Variants in DNAH7 observed in about 807,000 individuals in gnomAD.
DNAH7 encodes axonemal beta dynein heavy chain 7.
A neutral mutation model predicts 444.6 loss-of-function variants in DNAH7; 397 were observed. The ratio of observed to expected loss-of-function variants is 0.89; its 90% confidence interval spans 0.82 to 0.97. DNAH7 has a LOEUF of 0.97. Ranked by LOEUF, DNAH7 falls within the 50% of genes least tolerant of loss-of-function variation. The probability of loss-of-function intolerance (pLI) is 0.00; values close to 1 mark genes in which losing one functional copy is unlikely to be tolerated. For missense variants in DNAH7, 4,902 were observed against 4,800.8 expected, an observed-to-expected ratio of 1.02 and a Z score of -0.62; for synonymous variants, 1,636 against 1,624.4, an observed-to-expected ratio of 1.01 and a Z score of -0.17.
intron 46 of DNAH7, 143 bp from the exon 47 acceptor site, chr2:195,845,308 G>A: frequency 1.6e-6 from 1 of 616,574 alleles, no homozygotes; most frequent in Non-Finnish European, 2.5e-6. Context: ...CTGTTTCTCA[G>A]ATTCTTATTT....
At chr2:196,053,170 C>G (rs1272926175) in intron 2 of DNAH7, among the ~76,000 whole-genome samples, 1 of 152,064 alleles carries the variant, frequency 6.6e-6, no homozygotes, top group Non-Finnish European at 1.5e-5. Context: ...GTAGTAAGAC[C>G]CTCTCTGCAG....
chr2:195,815,046 G>A (rs1005668721), intron 51 of DNAH7, among the ~76,000 whole-genome samples: 2 of 151,066 alleles, frequency 1.3e-5, no homozygotes, highest in South Asian at 2.1e-4. Context: ...CCAGGCTGGG[G>A]ATAATTTTTT....
chr2:195,815,279 AC>A (rs1390397707), intron 51 of DNAH7, among the ~76,000 whole-genome samples: 1 of 152,134 alleles, frequency 6.6e-6, no homozygotes, highest in African/African-American at 2.4e-5. Context: ...CTCTATCATT[AC>A]GCAATGCATT....
chr2:195,892,246 G>A (rs1425652612), intron 30 of DNAH7, among the ~76,000 whole-genome samples: 1 of 151,972 alleles, frequency 6.6e-6, no homozygotes, highest in African/African-American at 2.4e-5. Context: ...ACTATTCTAA[G>A]TTTATTGGCA....
chr2:196,010,276 A>C (rs529037871), intron 10 of DNAH7, among the ~76,000 whole-genome samples: 1 of 151,996 alleles, frequency 6.6e-6, no homozygotes, highest in South Asian at 2.1e-4. Flanking sequence ...CAGCTTCCCA[A>C]GTAGCTGGGA....
chr2:195,766,752 G>A (rs1694605964), intron 61 of DNAH7, among the ~76,000 whole-genome samples: 1 of 152,082 alleles, frequency 6.6e-6, no homozygotes, highest in African/African-American at 2.4e-5. Context: ...TTACCCTGAT[G>A]TAATTATTAT....
At chr2:196,065,521 G>A (rs575004998) in intron 1 of DNAH7, among the ~76,000 whole-genome samples, 1 of 152,264 alleles carries the variant, frequency 6.6e-6, no homozygotes, top group Non-Finnish European at 1.5e-5. Context: ...TGCCTGGGAG[G>A]CTGAATTCTA....
intron 40 of DNAH7, among the ~76,000 whole-genome samples, chr2:195,871,931 A>G (rs1234504735): frequency 1.1e-5 from 1 of 92,464 alleles, no homozygotes; most frequent in Non-Finnish European, 2.4e-5. Context: ...ACTCCGTCTC[A>G]AAAAAAAAAA....
intron 40 of DNAH7, among the ~76,000 whole-genome samples, chr2:195,866,515 A>C (rs545170144): frequency 4.1e-4 from 62 of 152,372 alleles, no homozygotes; most frequent in African/African-American, 1.5e-3. Flanking sequence ...ATATTCCTAA[A>C]TTAAGTCAAC....
At chr2:195,967,287 CTCTTTA>C (rs1368636839) in intron 17 of DNAH7, among the ~76,000 whole-genome samples, 4 of 151,452 alleles carry the variant, frequency 2.6e-5, no homozygotes, top group South Asian at 2.1e-4. Flanking sequence ...TTTTTTGTTT[CTCTTTA>C]TATCTTTTTG....
intron 41 of DNAH7, among the ~76,000 whole-genome samples, chr2:195,863,070 C>T (rs1700114552): frequency 1.3e-5 from 2 of 152,106 alleles, no homozygotes; most frequent in Admixed American, 1.3e-4. Flanking sequence ...GCATTTACTC[C>T]CTATTTGCTA....
intron 3 of DNAH7, 133 bp downstream of exon 3, chr2:196,051,054 A>C: frequency 1.3e-6 from 1 of 759,174 alleles, no homozygotes; most frequent in Non-Finnish European, 2.3e-6. Context: ...CCTAATATGC[A>C]CACCTCATAG....
chr2:195,983,637 A>G (rs1220826099), intron 15 of DNAH7, among the ~76,000 whole-genome samples: 1 of 152,178 alleles, frequency 6.6e-6, no homozygotes, highest in African/African-American at 2.4e-5. Flanking sequence ...TCATGTTTCA[A>G]CATAAGATTT....
Position 196,001,833 on chromosome 2 carries a change from A to C in DNAH7, c.1015T>G (p.Tyr339Asp). ...KMWFPEVQNI[Y>D]YQGNKKKQLP... ...TGCTTTTTTTTATTACCTTGGTAAT[A>C]AATATTCTGCACTTCTGGAAACCAC... is the stretch of plus-strand genomic sequence containing the variant. The change falls in exon 11 of 65, where the codon TAT becomes GAT. Residue 339 changes from tyrosine to aspartate, a missense_variant. By Grantham distance (160) the Tyr-to-Asp change is radical (BLOSUM62 -3). Transcript: ENST00000312428. 6.2e-7 allele frequency: 1 copy of C among 1,609,734 alleles called. No homozygotes were observed. The highest frequency in any genetic ancestry group is 8.5e-7 in the Non-Finnish European group (1 of 1,178,728).
intron 54 of DNAH7, among the ~76,000 whole-genome samples, chr2:195,802,122 T>C (rs998160580): frequency 6.6e-6 from 1 of 152,230 alleles, no homozygotes; most frequent in Non-Finnish European, 1.5e-5. Flanking sequence ...GAATAATTAA[T>C]TCATCTATAC....
At chr2:196,014,928 C>T (rs566086134) in intron 9 of DNAH7, among the ~76,000 whole-genome samples, 3 of 152,140 alleles carry the variant, frequency 2.0e-5, no homozygotes, top group Non-Finnish European at 4.4e-5. Context: ...TTTATAACTA[C>T]ATAATATTCC....
At position 195,740,854 on chromosome 2, in the gene DNAH7, C is replaced by A. The variant is rs1692987959; in HGVS notation, c.11780G>T (p.Gly3927Val). The change falls in exon 64 of 65, where the codon GGA (glycine) becomes GTA (valine). Residue 3927 changes from glycine to valine, a missense_variant. Gly to Val is a moderately radical substitution (Grantham distance 109). Transcript: ENST00000312428. ...CCAGGAAGCTCCATCCAGAAATAAT[C>A]CGTGAATGAAAACACCTAAATATAA... The part of the protein sequence containing the change: ...HPPEDGVFIH[G>V]LFLDGASWNR... The A allele has an allele frequency of 1.3e-6, 2 of 1,549,220 alleles. No homozygotes were observed. Among genetic ancestry groups the A allele is most frequent in the African/African-American group, 1.4e-5 (1 of 72,672 alleles).
chr2:196,064,363 AAAT>A lies in DNAH7; in HGVS notation c.15+4331_15+4333del, dbSNP rs1390468401. Among the ~76,000 whole-genome samples the A allele has an allele frequency of 2.5e-3, 380 of 150,880 alleles. 1 individual carries two copies. The highest frequency in any genetic ancestry group is 7.9e-3 in the African/African-American group (326 of 41,262). ...AATAAATAAATAATAAATAATAAATAAATAATAAAAAGAAAAACAAAACCTTCA... is the reference window on the plus strand; with the variant it reads ...AATAAATAAATAATAAATAATAAATAAATAAAAAGAAAAACAAAACCTTCA... On this transcript the variant is annotated intron_variant, in intron 1 of 64. Transcript: ENST00000312428.
chr2:195,861,833 A>G lies in DNAH7; in HGVS notation c.7620T>C (p.Ser2540=), dbSNP rs1251949426. The change falls in exon 42 of 65, where the codon TCT becomes TCC. Residue 2540 remains serine, a synonymous_variant. Coordinates refer to ENST00000312428, the MANE Select transcript of DNAH7 (RefSeq NM_018897.3). The part of the protein sequence containing the change: ...CIDMCKSFHT[S]TIDLSKSFFV... ...AGAAAGATTTGGATAAATCTATAGT[A>G]GAAGTGTGGAAGCTTTTACACATGT... 1.2e-6 allele frequency: 2 copies of G among 1,613,420 alleles called. No individual in the cohort carries two copies. Among genetic ancestry groups the G allele is most frequent in the African/African-American group, 1.3e-5 (1 of 74,912 alleles).
Sources: gnomAD v4.1 joint callset for allele counts (sites outside exome capture counted in the v4.1 genomes callset) on GRCh38, gnomAD v4.1.1 for gene constraint, MANE v1.5 for transcripts, NCBI Gene and HGNC (gene_info 2026-07-23, HGNC 2026-07-21) for gene names.